COL8A1: variants seen among roughly 807,000 people sequenced by gnomAD.
COL8A1 encodes the protein collagen alpha-1(VIII) chain.
Under a neutral mutation model 42.7 loss-of-function variants are expected in COL8A1, and 21 were observed. The ratio of observed to expected loss-of-function variants is 0.49; its 90% CI spans 0.35 to 0.71. COL8A1 has a LOEUF of 0.71. COL8A1 is among the 30% of genes least tolerant of loss of function. The probability of loss-of-function intolerance (pLI) is 0.01; values close to 1 mark genes in which losing one functional copy is unlikely to be tolerated. For synonymous variants in COL8A1, 367 were observed against 369.1 expected, an observed-to-expected ratio of 0.99 and a Z score of 0.06; for missense variants, 788 against 962.4, an observed-to-expected ratio of 0.82 and a Z score of 2.40.
chr3:99,717,119 T>G (rs1940021995), intron 1 of COL8A1, among the ~76,000 whole-genome samples: 1 of 151,948 alleles, frequency 6.6e-6, no homozygotes, highest in Non-Finnish European at 1.5e-5. Context: ...CACTGATAAG[T>G]TAAGTGAATT....
At position 99,797,640 on chromosome 3, in the gene COL8A1, A is replaced by G. The variant is rs1464308129; in HGVS notation, c.*1504A>G. The G allele has an allele frequency of 3.3e-5, 5 of 152,218 alleles. No homozygotes were observed. The highest frequency in any genetic ancestry group is 2.1e-4 in the South Asian group (1 of 4,822). 9.4% of individuals were successfully genotyped at this position (152,218 alleles called of 1,614,324 possible). On this transcript the variant is annotated 3_prime_UTR_variant, in exon 4 of 4. Coordinates refer to ENST00000652472, the MANE Select transcript of COL8A1 (RefSeq NM_020351.4). ...GTTTCAGAATTACATAGAAAAATTAATATTTGAAAAAATAATTCTGAAATT... is the reference window on the plus strand; with the variant it reads ...GTTTCAGAATTACATAGAAAAATTAGTATTTGAAAAAATAATTCTGAAATT...
At chr3:99,741,204 A>G (rs1183282338) in intron 1 of COL8A1, among the ~76,000 whole-genome samples, 2 of 152,098 alleles carry the variant, frequency 1.3e-5, no homozygotes, top group African/African-American at 2.4e-5. Context: ...AGGCTTTCTA[A>G]TATGTTTATT....
intron 1 of COL8A1, among the ~76,000 whole-genome samples, chr3:99,721,501 G>A (rs969001509): frequency 6.6e-6 from 1 of 151,882 alleles, no homozygotes; most frequent in Non-Finnish European, 1.5e-5. Context: ...GATGGTCAGG[G>A]CTGAGAGAGA....
intron 2 of COL8A1, among the ~76,000 whole-genome samples, chr3:99,765,022 G>T (rs936559240): frequency 6.6e-6 from 1 of 151,786 alleles, no homozygotes; most frequent in Non-Finnish European, 1.5e-5. Context: ...TTCTCTTTAT[G>T]GTTATTAAGA....
chr3:99,740,774 T>A (rs1576458536), intron 1 of COL8A1, among the ~76,000 whole-genome samples: 3 of 152,150 alleles, frequency 2.0e-5, no homozygotes, highest in Admixed American at 2.0e-4. Flanking sequence ...ATACCAAGAT[T>A]TTTCTGTTCT....
rs1010664557 is a variant in COL8A1, at chr3:99,749,703, T to TA, written c.-4+4691dup. On this transcript the variant is annotated intron_variant, in intron 2 of 3. Transcript: ENST00000652472. ...TTGTTCATAAAGCAAAGGTCTTATG[T>TA]AAAAAAAAATTAAAAAATAAACTAC... Among the ~76,000 whole-genome samples, 390 of 151,656 alleles carry TA rather than the reference T, an allele frequency of 2.6e-3. 1 individual carries two copies. Among genetic ancestry groups the TA allele is most frequent in the African/African-American group, 8.8e-3 (366 of 41,356 alleles).
intron 1 of COL8A1, among the ~76,000 whole-genome samples, chr3:99,736,618 C>A (rs1036231822): frequency 1.7e-4 from 26 of 152,034 alleles, no homozygotes; most frequent in African/African-American, 6.1e-4. Context: ...AATTTCTGTT[C>A]TTTTACATTT....
At chr3:99,663,820 A>T in intron 1 of COL8A1, among the ~76,000 whole-genome samples, 1 of 152,168 alleles carries the variant, frequency 6.6e-6, no homozygotes, top group African/African-American at 2.4e-5. Context: ...AAATTTCTCC[A>T]CACATCTAAG....
At chr3:99,676,107 A>G (rs908113439) in intron 1 of COL8A1, among the ~76,000 whole-genome samples, 1 of 152,128 alleles carries the variant, frequency 6.6e-6, no homozygotes, top group African/African-American at 2.4e-5. Context: ...AATTTATGTG[A>G]AATTATTACC....
chr3:99,691,206 G>A (rs1378936099), intron 1 of COL8A1, among the ~76,000 whole-genome samples: 1 of 152,150 alleles, frequency 6.6e-6, no homozygotes, highest in East Asian at 1.9e-4. Context: ...CCAAAATACT[G>A]AGCCCAGAAC....
chr3:99,660,597 T>C (rs989600088), intron 1 of COL8A1, among the ~76,000 whole-genome samples: 1 of 152,210 alleles, frequency 6.6e-6, no homozygotes, highest in African/African-American at 2.4e-5. Context: ...TGTTCTGGCA[T>C]ATGGGCTTCT....
At chr3:99,706,667 A>G (rs145971194) in intron 1 of COL8A1, among the ~76,000 whole-genome samples, 23 of 152,350 alleles carry the variant, frequency 1.5e-4, no homozygotes, top group African/African-American at 5.5e-4. Context: ...TGCCTTCACC[A>G]TAAAACTTAA....
intron 1 of COL8A1, among the ~76,000 whole-genome samples, chr3:99,669,724 A>T (rs1234749537): frequency 6.6e-6 from 1 of 152,066 alleles, no homozygotes; most frequent in African/African-American, 2.4e-5. Flanking sequence ...GAAAGATAGG[A>T]GAGACAAAAT....
chr3:99,771,004 C>T (rs1576470511), intron 2 of COL8A1, among the ~76,000 whole-genome samples: 1 of 152,136 alleles, frequency 6.6e-6, no homozygotes, highest in Non-Finnish European at 1.5e-5. Flanking sequence ...TGAAAAGGGG[C>T]CATTCATGTG....
intron 1 of COL8A1, among the ~76,000 whole-genome samples, chr3:99,718,194 T>C (rs1314656049): frequency 6.6e-6 from 1 of 152,026 alleles, no homozygotes; most frequent in Non-Finnish European, 1.5e-5. Flanking sequence ...AGTAGTCCAC[T>C]GTGTATGATG....
intron 1 of COL8A1, among the ~76,000 whole-genome samples, chr3:99,730,749 G>T (rs1157428754): frequency 1.3e-5 from 2 of 152,110 alleles, no homozygotes; most frequent in East Asian, 3.9e-4. Context: ...GTTGAGTGGT[G>T]GTACAGTTTT....
At chr3:99,759,408 T>C (rs940564552) in intron 2 of COL8A1, among the ~76,000 whole-genome samples, 1 of 152,320 alleles carries the variant, frequency 6.6e-6, no homozygotes, top group African/African-American at 2.4e-5. Context: ...ACTTCTATCC[T>C]AGAAATATCC....
intron 1 of COL8A1, among the ~76,000 whole-genome samples, chr3:99,718,389 A>G (rs973060532): frequency 6.6e-6 from 1 of 151,932 alleles, no homozygotes; most frequent in Non-Finnish European, 1.5e-5. Context: ...GAGAACAAAC[A>G]TTTTCTTGTT....
chr3:99,762,925 A>T (rs1941391385), intron 2 of COL8A1, among the ~76,000 whole-genome samples: 1 of 152,136 alleles, frequency 6.6e-6, no homozygotes. Flanking sequence ...CTTGGAGTTA[A>T]TGTCCCCTTT....
Sources: allele counts gnomAD v4.1 joint callset (sites outside exome capture counted in the v4.1 genomes callset), GRCh38; gene constraint gnomAD v4.1.1; transcripts MANE v1.5; gene names NCBI Gene and HGNC (gene_info 2026-07-23, HGNC 2026-07-21).